SMARCE1: variants seen among roughly 807,000 people sequenced by gnomAD.
SMARCE1 encodes the protein SWI/SNF-related matrix-associated actin-dependent regulator of chromatin subfamily E member 1.
In SMARCE1, 13 loss-of-function variants were observed where a neutral mutation model predicts 54.9. That is an observed-to-expected ratio of 0.24 (90% confidence interval 0.15 to 0.38). The LOEUF (loss-of-function observed/expected upper bound fraction) is 0.38. Among genes scored for constraint, SMARCE1 ranks in the 10% least tolerant of loss-of-function variants. The pLI, the probability that SMARCE1 is intolerant of heterozygous loss-of-function variation, is 1.00. For synonymous variants in SMARCE1, 151 were observed against 175.3 expected, an observed-to-expected ratio of 0.86 and a Z score of 1.10; for missense variants, 295 against 523.8, an observed-to-expected ratio of 0.56 and a Z score of 4.26.
chr17:40,635,098 T>C (rs557101633), intron 7 of SMARCE1: 20 of 152,152 alleles, frequency 1.3e-4, no homozygotes, highest in Non-Finnish European at 2.4e-4. Flanking sequence ...TCCTCCCTCA[T>C]TGATATTGTC....
chr17:40,636,608 T>C, intron 5 of SMARCE1, 82 bp from the exon 6 acceptor site: 1 of 1,110,606 alleles, frequency 9.0e-7, no homozygotes, highest in Non-Finnish European at 1.3e-6. Context: ...GTGGAAACTT[T>C]TCAACATACA....
chr17:40,646,948 G>A (rs938199790), intron 1 of SMARCE1, among the ~76,000 whole-genome samples: 3 of 152,156 alleles, frequency 2.0e-5, no homozygotes, highest in African/African-American at 7.2e-5. Context: ...CTTTGACTCT[G>A]GTGTAGATTT....
chr17:40,642,839 A>G lies in SMARCE1; in HGVS notation c.52-280T>C. 1 of 398,038 alleles carries G rather than the reference A, an allele frequency of 2.5e-6. No homozygotes were observed. Among genetic ancestry groups the G allele is most frequent in the East Asian group, 4.7e-5 (1 of 21,356 alleles). 24.7% of individuals were successfully genotyped at this position (398,038 alleles called of 1,614,324 possible). A position where few individuals can be genotyped will look rare whatever the true frequency, so the allele number is the denominator to read the frequency against. ...AATGTGTGTTTTGTTTTTTGAGGTA[A>G]GCAACACACTGAAGTGTTTAAAACA... On this transcript the variant is annotated intron_variant, in intron 3 of 10. Coordinates refer to ENST00000348513, the MANE Select transcript of SMARCE1 (RefSeq NM_003079.5). This position sits in a 1 kb window ranked among gnomAD's most constrained non-coding sequence, Gnocchi z 4.6.
chr17:40,646,132 C>T (rs987281987), intron 1 of SMARCE1, among the ~76,000 whole-genome samples: 4 of 152,074 alleles, frequency 2.6e-5, no homozygotes, highest in African/African-American at 4.8e-5. Flanking sequence ...ATTTTGCTGA[C>T]GCCATGTAAA....
chr17:40,633,539 A>C (rs2037116978), intron 7 of SMARCE1: 1 of 152,228 alleles, frequency 6.6e-6, no homozygotes, highest in Non-Finnish European at 1.5e-5. Flanking sequence ...CCAGACAGGG[A>C]GGAACCACAC....
At chr17:40,631,988 T>C (rs536976965) in intron 8 of SMARCE1, 1 of 554,400 alleles carries the variant, frequency 1.8e-6, no homozygotes, top group African/African-American at 1.9e-5. Flanking sequence ...GAATATACTT[T>C]CCATTACAAG....
chr17:40,645,390 T>C (rs755708724), intron 3 of SMARCE1, 186 bp downstream of exon 3: 37 of 483,286 alleles, frequency 7.7e-5, no homozygotes, highest in Non-Finnish European at 1.2e-4. Flanking sequence ...TCTTTAAATG[T>C]TGGGGTTGGT....
intron 1 of SMARCE1, 76 bp from the exon 2 acceptor site, chr17:40,645,923 AG>A: frequency 2.2e-6 from 1 of 458,482 alleles, no homozygotes; most frequent in Non-Finnish European, 3.8e-6. Flanking sequence ...CCTAATGAAT[AG>A]GGTAATTTAA....
intron 7 of SMARCE1, chr17:40,633,432 AAACT>A (rs1893176036): frequency 6.6e-6 from 1 of 152,010 alleles, no homozygotes; most frequent in East Asian, 1.9e-4. Flanking sequence ...ATTTTTCTTT[AAACT>A]AACTCACTTA....
At chr17:40,638,554 T>C (rs1343982959) in intron 4 of SMARCE1, among the ~76,000 whole-genome samples, 1 of 152,198 alleles carries the variant, frequency 6.6e-6, no homozygotes, top group African/African-American at 2.4e-5. Context: ...AGACAGCCTC[T>C]GGTAGACCAC....
At chr17:40,629,144 T>TAAG in intron 10 of SMARCE1, 151 bp from the exon 11 acceptor site, 1 of 618,688 alleles carries the variant, frequency 1.6e-6, no homozygotes. Context: ...AAAGAACTTT[T>TAAG]AAGAATGTTG....
intron 4 of SMARCE1, among the ~76,000 whole-genome samples, chr17:40,639,497 C>G (rs569284635): frequency 2.0e-5 from 3 of 152,256 alleles, no homozygotes; most frequent in African/African-American, 7.2e-5. Context: ...TTTAAAAACA[C>G]AGTAGTATTT....
chr17:40,636,046 G>GTAA lies in SMARCE1; in HGVS notation c.423_425dup (p.Tyr142dup). 6.2e-7 allele frequency: 1 copy of GTAA among 1,613,488 alleles called. No individual in the cohort carries two copies. On this transcript the variant is annotated inframe_insertion, in exon 7 of 11. Coordinates refer to ENST00000348513, the MANE Select transcript of SMARCE1 (RefSeq NM_003079.5). ...CTTCTGCACGACTTTTTGCATTTAT[G>GTAA]TAAGCAAGGTACGCGGGGGAATTAT...
At position 40,636,059 on chromosome 17, in the gene SMARCE1, G is replaced by A. The variant is rs747470831; in HGVS notation, c.413C>T (p.Ala138Val). The A allele has an allele frequency of 4.3e-6, 7 of 1,612,676 alleles. No individual in the cohort carries two copies. The highest frequency in any genetic ancestry group is 3.3e-5 in the South Asian group (3 of 90,672). ...TTTTGCATTTATGTAAGCAAGGTAC[G>A]CGGGGGAATTATGATAGGCCTTCAT... ...ESMKAYHNSP[A>V]YLAYINAKSR... Residue 138 changes from alanine (A) to valine (V), a missense_variant, in exon 7 of 11, where the codon GCG becomes GTG. Transcript: ENST00000348513.
chr17:40,637,363 A>G, intron 5 of SMARCE1, 129 bp downstream of exon 5: 1 of 765,434 alleles, frequency 1.3e-6, no homozygotes, highest in Non-Finnish European at 2.3e-6. Flanking sequence ...TGCTTTAAAA[A>G]CCGTATTTTT....
At chr17:40,632,493 G>A (rs890441030) in intron 7 of SMARCE1, 126 bp from the exon 8 acceptor site, 9 of 726,764 alleles carry the variant, frequency 1.2e-5, no homozygotes, top group Admixed American at 1.1e-4. Context: ...CCTGCCCAGC[G>A]TCATGGGAGC....
intron 1 of SMARCE1, among the ~76,000 whole-genome samples, chr17:40,646,209 G>C (rs562521090): frequency 5.3e-4 from 80 of 152,278 alleles, no homozygotes; most frequent in African/African-American, 1.6e-3. Flanking sequence ...AACGCAACAA[G>C]GCCTACCAGA....
At chr17:40,633,672 A>G (rs945733147) in intron 7 of SMARCE1, 2 of 152,222 alleles carry the variant, frequency 1.3e-5, no homozygotes, top group African/African-American at 4.8e-5. Flanking sequence ...ATTATTATAA[A>G]TACTACAGCT....
At chr17:40,637,168 G>A (rs948777716) in intron 5 of SMARCE1, 2 of 252,142 alleles carry the variant, frequency 7.9e-6, no homozygotes, top group African/African-American at 2.3e-5. Context: ...TTATAAAAAT[G>A]AGATATTAAT....
Sources: gnomAD v4.1 joint callset for allele counts (sites outside exome capture counted in the v4.1 genomes callset) on GRCh38, gnomAD v4.1.1 for gene constraint, Gnocchi (gnomAD v3.1) non-coding constraint, MANE v1.5 for transcripts, NCBI Gene and HGNC (gene_info 2026-07-23, HGNC 2026-07-21) for gene names.